The following WDFY2 variants were observed in gnomAD, a reference collection of about 807,000 sequenced individuals.
The protein encoded by WDFY2 is WD repeat and FYVE domain containing 2.
A neutral mutation model predicts 56.4 loss-of-function variants in WDFY2; 36 were observed. The observed-to-expected ratio is 0.64, with a 90% confidence interval of 0.49 to 0.84. The LOEUF is 0.84. WDFY2 is among the 40% of genes least tolerant of loss of function. The pLI is 0.00. For synonymous variants in WDFY2, 176 were observed against 183.7 expected, an observed-to-expected ratio of 0.96 and a Z score of 0.34; for missense variants, 444 against 512.2, an observed-to-expected ratio of 0.87 and a Z score of 1.29.
intron 1 of WDFY2, among the ~76,000 whole-genome samples, chr13:51,647,932 G>A (rs1309502089): frequency 6.6e-6 from 1 of 152,132 alleles, no homozygotes; most frequent in East Asian, 1.9e-4. Context: ...GCCAGCTTAT[G>A]TGTGTCAGCA....
rs1953727891 is a variant in WDFY2, at chr13:51,765,799, T to TAAAG, written c.*6032_*6035dup. ...TTTGTAGGGCAAAAAAAATTCTTTT[T>TAAAG]AAAGATGGTAAGGGTGGAAATTAAT... On this transcript the variant is annotated 3_prime_UTR_variant, in exon 12 of 12. Coordinates refer to ENST00000298125, the MANE Select transcript of WDFY2 (RefSeq NM_052950.4). 1 of 152,222 alleles carries TAAAG rather than the reference T, an allele frequency of 6.6e-6. No homozygotes were observed. Among genetic ancestry groups the TAAAG allele is most frequent in the African/African-American group, 2.4e-5 (1 of 41,448 alleles). The allele number at this position is 152,222 out of a possible 1,614,324, so 9.4% of individuals were successfully genotyped here. A position where few individuals can be genotyped will look rare whatever the true frequency, so the allele number is the denominator to read the frequency against.
At position 51,739,030 on chromosome 13, in the gene WDFY2, GT is replaced by G. The variant is rs754374331; in HGVS notation, c.599-17del. On this transcript the variant is annotated intron_variant, in intron 6 of 11. Transcript: ENST00000298125. ...AGTCTTACCTTGTGACTGATGTCTG[GT>G]TGTGTCTGTCCTCTCAGGTGGGGTG... 1.3e-6 allele frequency: 2 copies of G among 1,553,916 alleles called. No homozygotes were observed. The highest frequency in any genetic ancestry group is 4.8e-5 in the East Asian group (2 of 41,646).
At chr13:51,673,212 G>A (rs1278416826) in intron 2 of WDFY2, among the ~76,000 whole-genome samples, 4 of 152,222 alleles carry the variant, frequency 2.6e-5, no homozygotes, top group Non-Finnish European at 5.9e-5. Context: ...TTTAAGAGTA[G>A]CCTATGCAGT....
intron 1 of WDFY2, chr13:51,598,554 C>T (rs1370014381): frequency 1.3e-5 from 2 of 152,182 alleles, no homozygotes; most frequent in East Asian, 1.9e-4. Context: ...CCTCTACCTT[C>T]TCTTCCTGAA....
At chr13:51,667,815 C>A (rs1356288653) in intron 2 of WDFY2, among the ~76,000 whole-genome samples, 1 of 147,746 alleles carries the variant, frequency 6.8e-6, no homozygotes, top group Admixed American at 6.8e-5. Context: ...TTCTTATAAA[C>A]CATAATGTAA....
At chr13:51,611,132 C>A (rs1043504679) in intron 1 of WDFY2, among the ~76,000 whole-genome samples, 1 of 152,220 alleles carries the variant, frequency 6.6e-6, no homozygotes, top group Non-Finnish European at 1.5e-5. Flanking sequence ...AGTGTAAGCA[C>A]CAACAAGGCA....
intron 1 of WDFY2, among the ~76,000 whole-genome samples, chr13:51,639,999 TA>T (rs747085068): frequency 1.3e-5 from 2 of 152,262 alleles, no homozygotes; most frequent in Non-Finnish European, 2.9e-5. Context: ...ATATGCTAGA[TA>T]ATTAGCCTCA....
At chr13:51,598,905 CTTTTTTTT>C (rs569169884) in intron 1 of WDFY2, among the ~76,000 whole-genome samples, 1 of 115,780 alleles carries the variant, frequency 8.6e-6, no homozygotes, top group South Asian at 2.9e-4. Flanking sequence ...GTGCCATTTA[CTTTTTTTT>C]TTTTTTTTTT....
At chr13:51,650,201 AT>A (rs1429126287) in intron 1 of WDFY2, among the ~76,000 whole-genome samples, 1 of 152,044 alleles carries the variant, frequency 6.6e-6, no homozygotes, top group African/African-American at 2.4e-5. Flanking sequence ...GAGTTCACTC[AT>A]GATTTGGCTG....
intron 5 of WDFY2, among the ~76,000 whole-genome samples, chr13:51,725,395 A>G (rs1952581857): frequency 6.6e-6 from 1 of 152,234 alleles, no homozygotes; most frequent in South Asian, 2.1e-4. Flanking sequence ...TTAAAAATAC[A>G]TAAAATTTTT....
At chr13:51,623,797 T>G (rs1954787879) in intron 1 of WDFY2, among the ~76,000 whole-genome samples, 1 of 152,192 alleles carries the variant, frequency 6.6e-6, no homozygotes, top group African/African-American at 2.4e-5. Context: ...CCTTCTAATT[T>G]TGTGGTCATT....
At chr13:51,610,039 C>G in intron 1 of WDFY2, among the ~76,000 whole-genome samples, 1 of 152,072 alleles carries the variant, frequency 6.6e-6, no homozygotes, top group African/African-American at 2.4e-5. Context: ...CAGAGGGTAG[C>G]GCTGAAAAAG....
At chr13:51,645,132 T>C (rs568916791) in intron 1 of WDFY2, among the ~76,000 whole-genome samples, 1 of 151,512 alleles carries the variant, frequency 6.6e-6, no homozygotes, top group Admixed American at 6.6e-5. Context: ...GTTTGAAGCT[T>C]TTTTTTTTCT....
At chr13:51,685,117 G>C (rs1006168638) in intron 3 of WDFY2, among the ~76,000 whole-genome samples, 1 of 152,034 alleles carries the variant, frequency 6.6e-6, no homozygotes, top group African/African-American at 2.4e-5. Flanking sequence ...ACCTCCTGCC[G>C]CCTCTATGGA....
At chr13:51,729,265 C>T (rs1219101854) in intron 6 of WDFY2, among the ~76,000 whole-genome samples, 2 of 152,044 alleles carry the variant, frequency 1.3e-5, no homozygotes, top group Non-Finnish European at 2.9e-5. Flanking sequence ...TGTGCAGACT[C>T]ATGAAGTTGC....
chr13:51,660,563 G>T (rs377569557), intron 1 of WDFY2, 33 bp from the exon 2 acceptor site: 165 of 1,590,750 alleles, frequency 1.0e-4, no homozygotes, highest in Non-Finnish European at 1.4e-4. Flanking sequence ...TAAGAATAAT[G>T]TGATTTCATG....
At chr13:51,593,588 A>G (rs1172720178) in intron 1 of WDFY2, among the ~76,000 whole-genome samples, 1 of 152,028 alleles carries the variant, frequency 6.6e-6, no homozygotes, top group Non-Finnish European at 1.5e-5. Context: ...CTTTTTCATA[A>G]TTTGCTTGAT....
In WDFY2 at chr13:51,584,469, C is replaced by G. The variant is rs1953892813; in HGVS notation, c.-219C>G. ...GCTCCGCCCCCTCCTCTTGTAGTGG[C>G]GCCGGCTTGCATCCCAGGTCGTGGC... On this transcript the variant is annotated 5_prime_UTR_variant, in exon 1 of 12. Transcript: ENST00000298125. 5.2e-6 allele frequency: 3 copies of G among 579,806 alleles called. No individual in the cohort carries two copies. The highest frequency in any genetic ancestry group is 8.6e-6 in the Non-Finnish European group (3 of 348,874). The allele number at this position is 579,806 out of a possible 1,614,324, so 35.9% of individuals were successfully genotyped here. A position where few individuals can be genotyped will look rare whatever the true frequency, so the allele number is the denominator to read the frequency against.
At chr13:51,750,069 T>C (rs548375809) in intron 7 of WDFY2, among the ~76,000 whole-genome samples, 1 of 152,334 alleles carries the variant, frequency 6.6e-6, no homozygotes, top group East Asian at 1.9e-4. Context: ...AAAACCTATG[T>C]TACTAGTCTC....
Sources: gnomAD v4.1 joint callset for allele counts (sites outside exome capture counted in the v4.1 genomes callset) on GRCh38, gnomAD v4.1.1 for gene constraint, MANE v1.5 for transcripts, NCBI Gene and HGNC (gene_info 2026-07-23, HGNC 2026-07-21) for gene names.